Variants in ITSN2 observed in about 807,000 individuals in gnomAD.
The protein encoded by ITSN2 is intersectin 2, also known as intersectin-2.
A neutral mutation model predicts 243.7 loss-of-function variants in ITSN2; 156 were observed. That is an observed-to-expected ratio of 0.64 (90% CI 0.56 to 0.73). The LOEUF is 0.73. ITSN2 is among the 30% of genes least tolerant of loss of function. The pLI is 0.00. For missense variants in ITSN2, 1,801 were observed against 1,996.1 expected, an observed-to-expected ratio of 0.90 and a Z score of 1.86; for synonymous variants, 703 against 699.9, an observed-to-expected ratio of 1.00 and a Z score of -0.07.
At chr2:24,230,937 C>G (rs1671530137) in intron 29 of ITSN2, among the ~76,000 whole-genome samples, 1 of 152,100 alleles carries the variant, frequency 6.6e-6, no homozygotes, top group South Asian at 2.1e-4. Context: ...CTTCCCTCTT[C>G]CCACCGCACA....
At chr2:24,295,431 C>T (rs963030032) in intron 14 of ITSN2, among the ~76,000 whole-genome samples, 3 of 152,152 alleles carry the variant, frequency 2.0e-5, no homozygotes, top group African/African-American at 7.2e-5. Context: ...CTCAGCCTCC[C>T]GAGTTGCTGG....
chr2:24,243,904 C>T (rs868572250), intron 29 of ITSN2, among the ~76,000 whole-genome samples: 2 of 152,188 alleles, frequency 1.3e-5, no homozygotes, highest in African/African-American at 4.8e-5. Context: ...GTATTAGCCA[C>T]ACTCCAAATA....
intron 10 of ITSN2, 48 bp from the exon 11 acceptor site, chr2:24,301,287 T>G (rs768617040): frequency 2.7e-6 from 3 of 1,122,406 alleles, no homozygotes; most frequent in Non-Finnish European, 4.0e-6. Context: ...CTGGACATTT[T>G]CAGACTAGAT....
intron 15 of ITSN2, 50 bp downstream of exon 15, chr2:24,293,636 TAC>T: frequency 1.5e-6 from 1 of 681,172 alleles, no homozygotes; most frequent in Non-Finnish European, 2.6e-6. Context: ...ATGTGACTGA[TAC>T]AGTCATTCAG....
At chr2:24,251,347 ATG>A (rs763006990) in intron 25 of ITSN2, among the ~76,000 whole-genome samples, 2 of 2,572 alleles carry the variant, frequency 7.8e-4, no homozygotes, top group African/African-American at 1.5e-3. Flanking sequence ...ATATATATAT[ATG>A]TGTGTGTGTG....
chr2:24,264,780 T>C (rs1676450522), intron 20 of ITSN2, among the ~76,000 whole-genome samples: 1 of 152,294 alleles, frequency 6.6e-6, no homozygotes, highest in South Asian at 2.1e-4. Flanking sequence ...TATTTTCCTG[T>C]CTAGATGCTA....
chr2:24,328,545 C>T (rs1685419557), intron 1 of ITSN2, among the ~76,000 whole-genome samples: 1 of 151,940 alleles, frequency 6.6e-6, no homozygotes, highest in Non-Finnish European at 1.5e-5. Context: ...TCACTGCAAC[C>T]TCTGCCTCCT....
intron 29 of ITSN2, among the ~76,000 whole-genome samples, chr2:24,231,976 T>C (rs902625767): frequency 6.6e-6 from 1 of 152,234 alleles, no homozygotes; most frequent in African/African-American, 2.4e-5. Context: ...GCTGCCTTTT[T>C]ATTGAAGTTT....
Position 24,246,882 on chromosome 2 carries a change from T to A in ITSN2, c.3300A>T (p.Lys1100Asn), listed in dbSNP as rs1336752404. The change falls in exon 28 of 40, where the codon AAA becomes AAT. Residue 1100 changes from lysine to asparagine, a missense_variant. Around this residue, in one of 5 missense-constraint regions of ITSN2, gnomAD observed 928 missense variants for 1,065.4 expected, o/e 0.87. Transcript: ENST00000355123. The stretch of plus-strand genomic sequence containing the variant: ...CAGGAAACCATCCTTTCTGTCGCTT[T>A]TTTCCTCTGGCCTAAAAATTAGCAA... ...WWQGELQARG[K>N]KRQKGWFPAS... 1 of 1,611,586 alleles carries A rather than the reference T, an allele frequency of 6.2e-7. No individual in the cohort carries two copies. Among genetic ancestry groups the A allele is most frequent in the Non-Finnish European group, 8.5e-7 (1 of 1,178,716 alleles).
Position 24,298,734 on chromosome 2 carries a change from ATTC to A in ITSN2, c.1422_1424del (p.Lys474del). The A allele has an allele frequency of 1.9e-6, 3 of 1,612,634 alleles. 1 individual carries two copies. In the South Asian group the frequency reaches 3.3e-5, roughly 18 times the overall value. ...ACCTGACAATTTCTTCTTGTTCTCT[ATTC>A]TTTTGATTGAGAAGCTCCTGTCGCC... is the stretch of plus-strand genomic sequence containing the variant. On this transcript the variant is annotated inframe_deletion, in exon 13 of 40. Coordinates refer to ENST00000355123, the MANE Select transcript of ITSN2 (RefSeq NM_006277.3).
At chr2:24,306,139 C>G (rs558490539) in intron 8 of ITSN2, among the ~76,000 whole-genome samples, 56 of 152,212 alleles carry the variant, frequency 3.7e-4, no homozygotes, top group African/African-American at 1.3e-3. Context: ...ACCACCACGC[C>G]TGGTTAATTT....
intron 2 of ITSN2, among the ~76,000 whole-genome samples, chr2:24,319,601 A>AAAAGCTG (rs1684313407): frequency 6.6e-6 from 1 of 152,200 alleles, no homozygotes. Flanking sequence ...AAACAAAACA[A>AAAAGCTG]GTGGGACTAA....
At chr2:24,230,525 T>C (rs963138353) in intron 29 of ITSN2, among the ~76,000 whole-genome samples, 2 of 152,162 alleles carry the variant, frequency 1.3e-5, no homozygotes, top group African/African-American at 4.8e-5. Context: ...CCCAGCACTT[T>C]GGGAGGCCGA....
chr2:24,346,562 A>G (rs1687551588), intron 1 of ITSN2, among the ~76,000 whole-genome samples: 1 of 152,194 alleles, frequency 6.6e-6, no homozygotes, highest in Non-Finnish European at 1.5e-5. Flanking sequence ...AATAATGCAT[A>G]GACTTCAGTT....
rs1675787141 is a variant in ITSN2 at position 24,261,098 on chromosome 2, C to A, written c.2682+8G>T. On this transcript the variant is annotated splice_region_variant and intron_variant, in intron 22 of 39. Transcript: ENST00000355123. Reference sequence around the variant, plus strand: ...GAATAAAGCCCACAAAAATAACAGACAACATACCTGTCCATGAATAGGTGA... The same window carrying A: ...GAATAAAGCCCACAAAAATAACAGAAAACATACCTGTCCATGAATAGGTGA... The A allele has an allele frequency of 2.5e-6, 4 of 1,609,506 alleles. No homozygotes were observed. Among genetic ancestry groups the A allele is most frequent in the Non-Finnish European group, 3.4e-6 (4 of 1,178,436 alleles).
In ITSN2 at chr2:24,289,419, T is replaced by TA. The variant is rs1188760771; in HGVS notation, c.1724-3069dup. On this transcript the variant is annotated intron_variant, in intron 15 of 39. Coordinates refer to ENST00000355123, the MANE Select transcript of ITSN2 (RefSeq NM_006277.3). ...TCTCTTTTTTGAATAGTTATTGGTGTAAAAAATGCAACTGATTTTTGTATG... is the reference window on the plus strand; with the variant it reads ...TCTCTTTTTTGAATAGTTATTGGTGTAAAAAAATGCAACTGATTTTTGTATG... Among the ~76,000 whole-genome samples, 4 of 152,332 alleles carry TA rather than the reference T, an allele frequency of 2.6e-5. No individual in the cohort carries two copies. The South Asian group carries it at 6.2e-4, about 24-fold the overall frequency.
At chr2:24,305,025 C>T (rs145289374) in intron 8 of ITSN2, among the ~76,000 whole-genome samples, 1 of 152,328 alleles carries the variant, frequency 6.6e-6, no homozygotes, top group Non-Finnish European at 1.5e-5. Flanking sequence ...AATCTCTTTT[C>T]TTCTGTGAAA....
chr2:24,327,635 T>C (rs1297773561), intron 2 of ITSN2, among the ~76,000 whole-genome samples: 1 of 152,194 alleles, frequency 6.6e-6, no homozygotes, highest in African/African-American at 2.4e-5. Flanking sequence ...TAAACAATTA[T>C]GTATGCAGGC....
intron 37 of ITSN2, 48 bp from the exon 38 acceptor site, chr2:24,205,345 A>T: frequency 6.6e-7 from 1 of 1,517,638 alleles, no homozygotes; most frequent in Non-Finnish European, 9.1e-7. Context: ...CCAAGGATGC[A>T]GACCCTGTCT....
Sources: gnomAD v4.1 joint callset for allele counts (sites outside exome capture counted in the v4.1 genomes callset) on GRCh38, gnomAD v4.1.1 for gene constraint, gnomAD v4.1.1 regional missense constraint, MANE v1.5 for transcripts, NCBI Gene and HGNC (gene_info 2026-07-23, HGNC 2026-07-21) for gene names.